ADAMTS20: variants seen among roughly 807,000 people sequenced by gnomAD.
ADAMTS20 encodes the protein A disintegrin and metalloproteinase with thrombospondin motifs 20.
Under a neutral mutation model 260.1 loss-of-function variants are expected in ADAMTS20, and 225 were observed. The observed-to-expected ratio is 0.87, with a 90% confidence interval of 0.78 to 0.97. The LOEUF is 0.97. Among genes scored for constraint, ADAMTS20 ranks in the 50% least tolerant of loss-of-function variants. The pLI is 0.00. For synonymous variants in ADAMTS20, 802 were observed against 769.5 expected (o/e 1.04, Z -0.70); for missense variants, 2,400 against 2,337.7 (o/e 1.03, Z -0.55).
intron 15 of ADAMTS20, among the ~76,000 whole-genome samples, chr12:43,444,504 T>TAAAAAG (rs1941725272): frequency 6.6e-6 from 1 of 152,112 alleles, no homozygotes; most frequent in Non-Finnish European, 1.5e-5. Context: ...AAGTAAAAAG[T>TAAAAAG]TTACTCAAGT....
intron 7 of ADAMTS20, among the ~76,000 whole-genome samples, chr12:43,480,697 G>T (rs1237595293): frequency 2.6e-5 from 4 of 152,112 alleles, no homozygotes; most frequent in Admixed American, 6.6e-5. Context: ...AGTGAAATAA[G>T]CCAGGCATAG....
In ADAMTS20 at chr12:43,464,105, C is replaced by G. The variant is rs148889138; in HGVS notation, c.1509+486G>C. 7.3e-3 allele frequency among the ~76,000 whole-genome samples: 1,116 copies of G among 152,000 alleles called. 12 individuals carry two copies. The highest frequency in any genetic ancestry group is 0.026 in the African/African-American group (1,071 of 41,514). On this transcript the variant is annotated intron_variant, in intron 10 of 38. Coordinates refer to ENST00000389420, the MANE Select transcript of ADAMTS20 (RefSeq NM_025003.5). ...CAAAGGTATCTCATCTATGAAAAAT[C>G]CTCAAAATATTATAAAATAATAGCT...
chr12:43,356,546 A>C lies in ADAMTS20; in HGVS notation c.5581T>G (p.Ser1861Ala), dbSNP rs367590532. Residue 1861 changes from serine to alanine, a missense_variant, in exon 38 of 39, where the codon TCC becomes GCC. Physicochemically the swap from Ser to Ala is moderately conservative, Grantham distance 99. Transcript: ENST00000389420. Reference sequence around the variant, plus strand: ...TGAGTGAGCCACTTTGCTGTGCTGGATATCTTCATCCCAGTTCCTGACAAA... The same window carrying C: ...TGAGTGAGCCACTTTGCTGTGCTGGCTATCTTCATCCCAGTTCCTGACAAA... ...INLSGTGMKI[S>A]STAKWLTQGS... 1 of 1,612,388 alleles carries C rather than the reference A, an allele frequency of 6.2e-7. No individual in the cohort carries two copies. Among genetic ancestry groups the C allele is most frequent in the East Asian group, 2.2e-5 (1 of 44,854 alleles).
At chr12:43,418,160 CTA>C (rs1394261200) in intron 28 of ADAMTS20, among the ~76,000 whole-genome samples, 1 of 151,996 alleles carries the variant, frequency 6.6e-6, no homozygotes, top group African/African-American at 2.4e-5. Flanking sequence ...GAATTTTTTT[CTA>C]TGAGAAAAAT....
chr12:43,494,814 G>A (rs1313761206), intron 4 of ADAMTS20, among the ~76,000 whole-genome samples: 3 of 152,304 alleles, frequency 2.0e-5, no homozygotes, highest in Non-Finnish European at 4.4e-5. Context: ...CTGTAATTAT[G>A]ATTTTGGAGT....
chr12:43,439,513 T>C (rs1011477349), intron 18 of ADAMTS20, 109 bp downstream of exon 18: 1 of 1,252,986 alleles, frequency 8.0e-7, no homozygotes, highest in Non-Finnish European at 1.1e-6. Context: ...CTGTGGGATA[T>C]GTGTATGGAC....
intron 29 of ADAMTS20, among the ~76,000 whole-genome samples, chr12:43,392,748 T>C (rs1419422612): frequency 2.0e-5 from 3 of 152,084 alleles, no homozygotes; most frequent in Non-Finnish European, 4.4e-5. Context: ...TGTTGAATCA[T>C]TCTGGTTCTG....
At chr12:43,471,324 CG>C (rs1942255739) in intron 7 of ADAMTS20, among the ~76,000 whole-genome samples, 1 of 150,810 alleles carries the variant, frequency 6.6e-6, no homozygotes, top group Non-Finnish European at 1.5e-5. Context: ...ACACCTGGCT[CG>C]GAGGGTCCTA....
intron 19 of ADAMTS20, chr12:43,433,783 C>T (rs1332046724): frequency 6.1e-6 from 3 of 488,418 alleles, no homozygotes; most frequent in African/African-American, 3.9e-5. Flanking sequence ...TATAAACTTG[C>T]TGTCATGATC....
chr12:43,457,060 T>C (rs1941977710), intron 11 of ADAMTS20, among the ~76,000 whole-genome samples: 1 of 152,200 alleles, frequency 6.6e-6, no homozygotes, highest in African/African-American at 2.4e-5. Flanking sequence ...TTCACTATAT[T>C]TAACAATGTG....
intron 7 of ADAMTS20, among the ~76,000 whole-genome samples, chr12:43,472,827 C>A (rs1278516494): frequency 6.6e-6 from 1 of 150,578 alleles, no homozygotes; most frequent in African/African-American, 2.4e-5. Flanking sequence ...AAAAGAGCTC[C>A]TGAAGGAAGC....
chr12:43,453,385 A>G (rs947118898), intron 12 of ADAMTS20, among the ~76,000 whole-genome samples: 3 of 152,174 alleles, frequency 2.0e-5, no homozygotes, highest in African/African-American at 7.2e-5. Context: ...GCAATATCTA[A>G]GCCCTTTTAA....
intron 4 of ADAMTS20, among the ~76,000 whole-genome samples, chr12:43,494,622 A>T (rs1592096766): frequency 6.6e-6 from 1 of 152,154 alleles, no homozygotes; most frequent in Admixed American, 6.5e-5. Flanking sequence ...AGGTAGCCCC[A>T]GTGGGGTTGA....
chr12:43,539,572 T>G (rs1334453134), intron 2 of ADAMTS20, among the ~76,000 whole-genome samples: 1 of 152,196 alleles, frequency 6.6e-6, no homozygotes, highest in African/African-American at 2.4e-5. Flanking sequence ...TTTCTAAAGA[T>G]AACTACAAAT....
intron 24 of ADAMTS20, among the ~76,000 whole-genome samples, chr12:43,429,154 CTAAG>C (rs1188143407): frequency 2.0e-5 from 3 of 151,824 alleles, no homozygotes; most frequent in East Asian, 1.9e-4. Context: ...ATATCTACTA[CTAAG>C]TAACAGATAG....
intron 3 of ADAMTS20, among the ~76,000 whole-genome samples, chr12:43,505,931 A>C (rs1942834410): frequency 6.6e-6 from 1 of 152,238 alleles, no homozygotes; most frequent in Admixed American, 6.5e-5. Context: ...AACAAAATGT[A>C]GTATACACAT....
chr12:43,475,721 C>A (rs1231792277), intron 7 of ADAMTS20, among the ~76,000 whole-genome samples: 1 of 150,082 alleles, frequency 6.7e-6, no homozygotes, highest in African/African-American at 2.4e-5. Flanking sequence ...TTTGACAAAC[C>A]TGAGAAAAAC....
rs1015201675 is a variant in ADAMTS20, at chr12:43,412,161, A to T, written c.4285-12928T>A. 2.0e-5 allele frequency among the ~76,000 whole-genome samples: 3 copies of T among 152,232 alleles called. No individual in the cohort carries two copies. The South Asian group carries it at 6.2e-4, about 31-fold the overall frequency. On this transcript the variant is annotated intron_variant, in intron 28 of 38. Coordinates refer to ENST00000389420, the MANE Select transcript of ADAMTS20 (RefSeq NM_025003.5). The stretch of plus-strand genomic sequence containing the variant: ...GAGCAAACTTGTATATACAGAGTTA[A>T]TCAGGCTTACATATGCTTTCTGTAT...
chr12:43,502,088 C>T, intron 4 of ADAMTS20, 64 bp downstream of exon 4: 1 of 1,420,874 alleles, frequency 7.0e-7, no homozygotes. Flanking sequence ...TTTAATTCGA[C>T]ATGAAAAAAT....
Sources: gnomAD v4.1 joint callset for allele counts (sites outside exome capture counted in the v4.1 genomes callset) on GRCh38, gnomAD v4.1.1 for gene constraint, MANE v1.5 for transcripts, NCBI Gene and HGNC (gene_info 2026-07-23, HGNC 2026-07-21) for gene names.